Variants in SLC26A7 observed in about 807,000 individuals in gnomAD.
The protein encoded by SLC26A7 is solute carrier family 26 member 7.
In SLC26A7, 59 loss-of-function variants were observed where a neutral mutation model predicts 82.5. That is an observed-to-expected ratio of 0.72 (90% CI 0.58 to 0.89). The LOEUF (loss-of-function observed/expected upper bound fraction) is 0.89, where lower values mean the gene tolerates loss of function less well. SLC26A7 is among the 40% of genes least tolerant of loss of function. The pLI is 0.00. For synonymous variants in SLC26A7, 271 were observed against 274.3 expected (o/e 0.99, Z 0.12); for missense variants, 820 against 793.0 (o/e 1.03, Z -0.41).
chr8:91,215,480 G>A (rs34530416), intron 1 of SLC26A7, among the ~76,000 whole-genome samples: 7,908 of 152,170 alleles, frequency 0.052, 277 homozygotes, highest in Middle Eastern at 0.16. Context: ...TTAGCAAAGA[G>A]TAATATTTGA....
At chr8:91,218,972 C>G in exon 2 of SLC26A7, 13 of 1,550,600 alleles carry the variant, frequency 8.4e-6, no homozygotes, top group Non-Finnish European at 1.1e-5. Flanking sequence ...CAACGTGACC[C>G]TAACCTCTTT....
In SLC26A7 at chr8:91,395,101, C is replaced by T; in HGVS notation, c.*4C>T. 1 of 1,613,308 alleles carries T rather than the reference C, an allele frequency of 6.2e-7. No individual in the cohort carries two copies. The highest frequency in any genetic ancestry group is 2.2e-5 in the East Asian group (1 of 44,854). On this transcript the variant is annotated 3_prime_UTR_variant, in exon 19 of 19. Coordinates refer to ENST00000276609, the MANE Select transcript of SLC26A7 (RefSeq NM_052832.4). ...CAGTGACCACAGTGAAGTCTGAGAC[C>T]CTTTTGTCACAGTACAGCTCTTGTC... is the stretch of plus-strand genomic sequence containing the variant.
At chr8:91,274,331 G>A (rs1239646516) in intron 2 of SLC26A7, among the ~76,000 whole-genome samples, 2 of 152,216 alleles carry the variant, frequency 1.3e-5, no homozygotes, top group African/African-American at 4.8e-5. Context: ...GCTGAGGCTG[G>A]ATAAATTGTA....
chr8:91,270,738 T>C (rs1226091655), intron 2 of SLC26A7, among the ~76,000 whole-genome samples: 4 of 152,232 alleles, frequency 2.6e-5, no homozygotes, highest in African/African-American at 9.6e-5. Flanking sequence ...TTCAAATTTC[T>C]ATGAATTGAG....
At chr8:91,303,573 AT>A (rs1239802655) in intron 4 of SLC26A7, among the ~76,000 whole-genome samples, 1 of 152,204 alleles carries the variant, frequency 6.6e-6, no homozygotes, top group Non-Finnish European at 1.5e-5. Flanking sequence ...TCATAAATAT[AT>A]ATTCAACAAT....
intron 2 of SLC26A7, among the ~76,000 whole-genome samples, chr8:91,225,536 G>C (rs935288261): frequency 5.3e-5 from 8 of 150,982 alleles, no homozygotes; most frequent in Non-Finnish European, 8.8e-5. Flanking sequence ...TTGGTTGCCG[G>C]TGAAGGATTC....
At chr8:91,303,224 A>G (rs562083837) in intron 4 of SLC26A7, among the ~76,000 whole-genome samples, 1 of 152,304 alleles carries the variant, frequency 6.6e-6, no homozygotes, top group East Asian at 1.9e-4. Flanking sequence ...TGGGGACACA[A>G]ACACATAATA....
chr8:91,218,995 G>T, exon 2 of SLC26A7: 1 of 1,536,480 alleles, frequency 6.5e-7, no homozygotes. Context: ...AATTGCTCAG[G>T]TGTAGAACAG....
intron 2 of SLC26A7, among the ~76,000 whole-genome samples, chr8:91,252,337 A>G (rs961551431): frequency 6.6e-6 from 1 of 152,124 alleles, no homozygotes; most frequent in Admixed American, 6.6e-5. Context: ...CTATATGTCA[A>G]ATAGCAAGAA....
intron 11 of SLC26A7, among the ~76,000 whole-genome samples, chr8:91,353,365 C>T (rs961409491): frequency 3.9e-5 from 6 of 152,110 alleles, no homozygotes; most frequent in Admixed American, 3.9e-4. Context: ...GAAAAACTAT[C>T]ATGAATCACT....
In SLC26A7 at chr8:91,352,969, A is replaced by T; in HGVS notation, c.1287A>T (p.Lys429Asn). 6.2e-7 allele frequency: 1 copy of T among 1,609,432 alleles called. No individual in the cohort carries two copies. Among genetic ancestry groups the T allele is most frequent in the South Asian group, 1.1e-5 (1 of 90,460 alleles). Residue 429 changes from lysine (K) to asparagine (N), a missense_variant, in exon 11 of 19, where the codon AAA becomes AAT. By Grantham distance (94) the Lys-to-Asn change is moderately conservative (BLOSUM62 0). Transcript: ENST00000276609. ...TAATACAGTTCCGAGATTTAAAAAA[A>T]TATTGGAATGTGGATAAAATCGATT... is the stretch of plus-strand genomic sequence containing the variant. ...GMLIQFRDLK[K>N]YWNVDKIDWG...
intron 11 of SLC26A7, among the ~76,000 whole-genome samples, chr8:91,354,268 T>C (rs1195986464): frequency 6.6e-6 from 1 of 152,122 alleles, no homozygotes; most frequent in African/African-American, 2.4e-5. Flanking sequence ...GTAGAGAAGA[T>C]GTCAAGTAAG....
At chr8:91,274,428 T>A (rs1007251449) in intron 2 of SLC26A7, among the ~76,000 whole-genome samples, 2 of 152,100 alleles carry the variant, frequency 1.3e-5, no homozygotes, top group African/African-American at 4.8e-5. Flanking sequence ...CTTCTTTCTG[T>A]CTTATAACAT....
At chr8:91,382,376 T>C (rs1464789352) in intron 15 of SLC26A7, among the ~76,000 whole-genome samples, 5 of 152,188 alleles carry the variant, frequency 3.3e-5, no homozygotes, top group Non-Finnish European at 7.4e-5. Context: ...AATCCATTTA[T>C]GGCTCCAACA....
At chr8:91,255,754 G>T (rs1284167178) in intron 2 of SLC26A7, among the ~76,000 whole-genome samples, 1 of 152,026 alleles carries the variant, frequency 6.6e-6, no homozygotes, top group African/African-American at 2.4e-5. Context: ...TGATGGTTTA[G>T]ATATTAAAGG....
chr8:91,312,305 A>G (rs1487135028), intron 4 of SLC26A7, among the ~76,000 whole-genome samples: 3 of 152,168 alleles, frequency 2.0e-5, no homozygotes, highest in Non-Finnish European at 2.9e-5. Context: ...ATAAGGTTCA[A>G]TAATATTTTA....
intron 4 of SLC26A7, among the ~76,000 whole-genome samples, chr8:91,309,062 T>A (rs570723159): frequency 1.3e-5 from 2 of 152,190 alleles, no homozygotes; most frequent in South Asian, 4.1e-4. Flanking sequence ...TGTTATTGCT[T>A]GTAAGCCTTT....
chr8:91,305,632 C>T lies in SLC26A7; in HGVS notation c.477+9929C>T, dbSNP rs955949637. Among the ~76,000 whole-genome samples, 3 of 151,560 alleles carry T rather than the reference C, an allele frequency of 2.0e-5. No homozygotes were observed. The East Asian group carries it at 5.8e-4, about 29-fold the overall frequency. Reference sequence around the variant, plus strand: ...AATGTCTAGCATCAGAGGCTAGTTTCTTCTTGAAGTGTCTGAGAACTGAAA... The same window carrying T: ...AATGTCTAGCATCAGAGGCTAGTTTTTTCTTGAAGTGTCTGAGAACTGAAA... On this transcript the variant is annotated intron_variant, in intron 4 of 18. Coordinates refer to ENST00000276609, the MANE Select transcript of SLC26A7 (RefSeq NM_052832.4).
chr8:91,354,046 T>G (rs891053803), intron 11 of SLC26A7, among the ~76,000 whole-genome samples: 10 of 152,102 alleles, frequency 6.6e-5, no homozygotes, highest in Admixed American at 2.6e-4. Flanking sequence ...AAATATGAAC[T>G]GAGACTTGAA....
Sources: allele counts gnomAD v4.1 joint callset (sites outside exome capture counted in the v4.1 genomes callset), GRCh38; gene constraint gnomAD v4.1.1; transcripts MANE v1.5; gene names NCBI Gene and HGNC (gene_info 2026-07-23, HGNC 2026-07-21).